Variants in KCTD8 observed in about 807,000 individuals in gnomAD.
The protein encoded by KCTD8 is BTB/POZ domain-containing protein KCTD8.
In KCTD8, 27 loss-of-function variants were observed where a neutral mutation model predicts 31.5. The observed-to-expected ratio is 0.86, with a 90% CI of 0.63 to 1.18. The LOEUF (loss-of-function observed/expected upper bound fraction) is 1.18. Ranked by LOEUF, KCTD8 falls within the 50% of genes most tolerant of loss-of-function variation. KCTD8 has a pLI of 0.00. For missense variants in KCTD8, 658 were observed against 647.7 expected, an observed-to-expected ratio of 1.02 and a Z score of -0.17; for synonymous variants, 290 against 280.0, an observed-to-expected ratio of 1.04 and a Z score of -0.36.
At chr4:44,299,224 C>T (rs923654065) in intron 1 of KCTD8, among the ~76,000 whole-genome samples, 1 of 152,112 alleles carries the variant, frequency 6.6e-6, no homozygotes, top group Non-Finnish European at 1.5e-5. Flanking sequence ...TGTAAAATCT[C>T]ATTTGTTTGT....
At chr4:44,269,443 G>C (rs1317801725) in intron 1 of KCTD8, among the ~76,000 whole-genome samples, 1 of 151,292 alleles carries the variant, frequency 6.6e-6, no homozygotes, top group Admixed American at 6.6e-5. Flanking sequence ...AACCCTAGAA[G>C]AAAACCTAGG....
At chr4:44,364,816 A>T (rs953313176) in intron 1 of KCTD8, among the ~76,000 whole-genome samples, 1 of 152,112 alleles carries the variant, frequency 6.6e-6, no homozygotes, top group African/African-American at 2.4e-5. Context: ...GGCTACATGC[A>T]TGTGATTCCA....
intron 1 of KCTD8, among the ~76,000 whole-genome samples, chr4:44,266,574 C>T (rs978550476): frequency 2.2e-4 from 34 of 151,568 alleles, no homozygotes; most frequent in Non-Finnish European, 3.1e-4. Context: ...GGACTAAATG[C>T]TCCAATTAAA....
intron 1 of KCTD8, among the ~76,000 whole-genome samples, chr4:44,285,327 A>G (rs952255992): frequency 6.6e-6 from 1 of 152,170 alleles, no homozygotes; most frequent in Non-Finnish European, 1.5e-5. Flanking sequence ...TTGCAGGGAC[A>G]TGGATGAAGC....
chr4:44,190,316 G>A (rs1713727922), intron 1 of KCTD8, among the ~76,000 whole-genome samples: 1 of 152,114 alleles, frequency 6.6e-6, no homozygotes, highest in Non-Finnish European at 1.5e-5. Flanking sequence ...AAGTCAAATT[G>A]GAGAAATTAA....
chr4:44,283,538 G>A (rs183505090), intron 1 of KCTD8, among the ~76,000 whole-genome samples: 28 of 152,158 alleles, frequency 1.8e-4, no homozygotes, highest in African/African-American at 6.7e-4. Flanking sequence ...GGACCTTCTA[G>A]GGCCCTTAAT....
At chr4:44,301,664 G>A (rs996980110) in intron 1 of KCTD8, among the ~76,000 whole-genome samples, 1 of 152,062 alleles carries the variant, frequency 6.6e-6, no homozygotes, top group African/African-American at 2.4e-5. Flanking sequence ...CCATTTCATA[G>A]GTTGCCTGTT....
intron 1 of KCTD8, among the ~76,000 whole-genome samples, chr4:44,318,224 C>T (rs929069800): frequency 6.6e-6 from 1 of 152,114 alleles, no homozygotes; most frequent in Non-Finnish European, 1.5e-5. Context: ...TGATGTCATA[C>T]TGTCTGTTTT....
At chr4:44,297,247 A>G (rs1236305253) in intron 1 of KCTD8, among the ~76,000 whole-genome samples, 1 of 152,104 alleles carries the variant, frequency 6.6e-6, no homozygotes, top group African/African-American at 2.4e-5. Context: ...ATCAAAACAG[A>G]TTAGAATAGC....
intron 1 of KCTD8, among the ~76,000 whole-genome samples, chr4:44,220,679 C>T (rs191986098): frequency 1.3e-5 from 2 of 152,044 alleles, no homozygotes; most frequent in East Asian, 3.9e-4. Flanking sequence ...GACATAAGAA[C>T]AACACTTATG....
chr4:44,195,115 T>A (rs1713900177), intron 1 of KCTD8, among the ~76,000 whole-genome samples: 1 of 151,706 alleles, frequency 6.6e-6, no homozygotes, highest in African/African-American at 2.4e-5. Flanking sequence ...TGACCTTAGG[T>A]GATCCACCCA....
intron 1 of KCTD8, among the ~76,000 whole-genome samples, chr4:44,311,558 T>C (rs73815005): frequency 0.029 from 4,456 of 152,110 alleles, 235 homozygotes; most frequent in African/African-American, 0.1. Context: ...GTAAGAATAC[T>C]CACCCTCCTT....
intron 1 of KCTD8, among the ~76,000 whole-genome samples, chr4:44,224,705 T>C (rs769739747): frequency 2.6e-5 from 4 of 152,170 alleles, no homozygotes; most frequent in Non-Finnish European, 5.9e-5. Flanking sequence ...TTCAGTGACT[T>C]AATATAATAA....
In KCTD8 at chr4:44,294,963, T is replaced by C. The variant is rs149586710; in HGVS notation, c.962-119713A>G. Among the ~76,000 whole-genome samples, 33 of 152,070 alleles carry C rather than the reference T, an allele frequency of 2.2e-4. No homozygotes were observed. In the East Asian group the frequency reaches 6.2e-3, roughly 29 times the overall value. ...AATGAACTAGAAGAAGGTAACAAAA[T>C]GTTCTAAGGCAAAAGGAGATAAAAG... On this transcript the variant is annotated intron_variant, in intron 1 of 1. Transcript: ENST00000360029.
chr4:44,433,964 G>A (rs61172231), intron 1 of KCTD8, among the ~76,000 whole-genome samples: 45,208 of 151,652 alleles, frequency 0.3, 7,665 homozygotes, highest in African/African-American at 0.47. Context: ...TGCTGCCACA[G>A]TTGCTTTTTG....
chr4:44,176,320 G>C (rs1412054963), intron 1 of KCTD8, among the ~76,000 whole-genome samples: 1 of 152,116 alleles, frequency 6.6e-6, no homozygotes, highest in Non-Finnish European at 1.5e-5. Context: ...TCTAACCTTG[G>C]AAGCATACTG....
intron 1 of KCTD8, among the ~76,000 whole-genome samples, chr4:44,371,428 A>G (rs1398819408): frequency 2.0e-5 from 3 of 152,168 alleles, no homozygotes; most frequent in African/African-American, 7.2e-5. Flanking sequence ...GACTTTATCT[A>G]TTGGCTTTCG....
intron 1 of KCTD8, among the ~76,000 whole-genome samples, chr4:44,224,251 A>G (rs920675203): frequency 1.3e-5 from 2 of 152,206 alleles, no homozygotes; most frequent in Non-Finnish European, 2.9e-5. Context: ...CCTCCATTAT[A>G]TGACAAAGAC....
chr4:44,277,585 AATTAT>A (rs1174354844), intron 1 of KCTD8, among the ~76,000 whole-genome samples: 1 of 151,832 alleles, frequency 6.6e-6, no homozygotes. Flanking sequence ...ATCAAAGAAC[AATTAT>A]ATCAGGCTAT....
Sources: allele counts gnomAD v4.1 joint callset (sites outside exome capture counted in the v4.1 genomes callset), GRCh38; gene constraint gnomAD v4.1.1; transcripts MANE v1.5; gene names NCBI Gene and HGNC (gene_info 2026-07-23, HGNC 2026-07-21).